The following EDIL3 variants were observed in gnomAD, a reference collection of about 807,000 sequenced individuals.
EDIL3 encodes the protein EGF like and discoidin domains 3, also known as EGF-like repeat and discoidin I-like domain-containing protein 3.
Under a neutral mutation model 67.4 loss-of-function variants are expected in EDIL3, and 37 were observed. That is an observed-to-expected ratio of 0.55 (90% confidence interval 0.42 to 0.72). EDIL3 has a LOEUF of 0.72. Among genes scored for constraint, EDIL3 ranks in the 30% least tolerant of loss-of-function variants. The pLI, the probability that EDIL3 is intolerant of heterozygous loss-of-function variation, is 0.00. For synonymous variants in EDIL3, 195 were observed against 196.3 expected, an observed-to-expected ratio of 0.99 and a Z score of 0.05; for missense variants, 527 against 586.3, an observed-to-expected ratio of 0.90 and a Z score of 1.04.
At chr5:84,188,256 A>G (rs1743506405) in intron 3 of EDIL3, among the ~76,000 whole-genome samples, 1 of 151,986 alleles carries the variant, frequency 6.6e-6, no homozygotes, top group African/African-American at 2.4e-5. Context: ...TGGTAGTTTA[A>G]AACAATAGAA....
In EDIL3 at chr5:83,944,165, C is replaced by T. The variant is rs115382271; in HGVS notation, c.1294-597G>A. On this transcript the variant is annotated intron_variant, in intron 10 of 10. Transcript: ENST00000296591. ...CACAAGGCTATCTGGTGAGCACTAA[C>T]GGCCTCTATCACAGTGCCTTTTGCC... is the stretch of plus-strand genomic sequence containing the variant. Among the ~76,000 whole-genome samples, 367 of 151,932 alleles carry T rather than the reference C, an allele frequency of 2.4e-3. 1 individual carries two copies. The highest frequency in any genetic ancestry group is 8.5e-3 in the African/African-American group (351 of 41,530).
intron 6 of EDIL3, among the ~76,000 whole-genome samples, chr5:84,068,878 A>G (rs757493799): frequency 5.9e-5 from 9 of 152,156 alleles, no homozygotes; most frequent in Non-Finnish European, 1.0e-4. Context: ...CTATGTTGCT[A>G]TAGGAAATAA....
At chr5:83,957,374 T>C (rs2112123586) in intron 10 of EDIL3, among the ~76,000 whole-genome samples, 1 of 151,808 alleles carries the variant, frequency 6.6e-6, no homozygotes, top group South Asian at 2.1e-4. Context: ...CCAGATCAAA[T>C]TTCAAAAGAA....
chr5:84,305,626 T>C (rs1272632553), intron 1 of EDIL3, among the ~76,000 whole-genome samples: 1 of 152,182 alleles, frequency 6.6e-6, no homozygotes, highest in East Asian at 1.9e-4. Context: ...ACGCCTGTAA[T>C]CCCGGCATTT....
Position 84,137,324 on chromosome 5 carries a change from T to C in EDIL3, c.386A>G (p.Lys129Arg), listed in dbSNP as rs1461926327. ...AAGATCTGTACATATTCCACCATTT[T>C]TGCAAGGCTCAACTTCGCATTCATT... ...NINECEVEPCKNGGICTDLVA... is the reference protein window; with the variant it reads ...NINECEVEPCRNGGICTDLVA... Residue 129 changes from lysine to arginine, a missense_variant, in exon 5 of 11, where the codon AAA (lysine) becomes AGA (arginine). Lys to Arg is a conservative substitution (Grantham distance 26). Around this residue, in one of 2 missense-constraint regions of EDIL3, gnomAD observed 494 missense variants for 522.5 expected, o/e 0.95. Transcript: ENST00000296591. The C allele has an allele frequency of 1.2e-6, 2 of 1,613,388 alleles. No individual in the cohort carries two copies. Among genetic ancestry groups the C allele is most frequent in the African/African-American group, 1.3e-5 (1 of 74,886 alleles).
At chr5:84,094,388 T>C (rs1747223935) in intron 6 of EDIL3, among the ~76,000 whole-genome samples, 1 of 152,190 alleles carries the variant, frequency 6.6e-6, no homozygotes, top group Admixed American at 6.5e-5. Flanking sequence ...GTTTAGTATA[T>C]ATTGGCATGT....
At chr5:84,307,182 G>A (rs1013904025) in intron 1 of EDIL3, among the ~76,000 whole-genome samples, 1 of 152,192 alleles carries the variant, frequency 6.6e-6, no homozygotes, top group South Asian at 2.1e-4. Flanking sequence ...TAGGAGAGAA[G>A]TAGGGTTAGT....
rs192901416 is a variant in EDIL3 at position 84,370,682 on chromosome 5, G to C, written c.67+13626C>G. Among the ~76,000 whole-genome samples, 4 of 152,236 alleles carry C rather than the reference G, an allele frequency of 2.6e-5. No homozygotes were observed. The East Asian group carries it at 7.7e-4, about 29-fold the overall frequency. ...AAAACCTGAATCTTCCTTTTAAACT[G>C]TTTATAAATTAGACAGCTATGGAAA... is the stretch of plus-strand genomic sequence containing the variant. On this transcript the variant is annotated intron_variant, in intron 1 of 10. Transcript: ENST00000296591.
intron 1 of EDIL3, among the ~76,000 whole-genome samples, chr5:84,312,485 A>ACAGGGCGGCTGGCCGGG (rs1248623562): frequency 7.0e-6 from 1 of 142,586 alleles, no homozygotes; most frequent in Non-Finnish European, 1.5e-5. Flanking sequence ...CACCTCCCGG[A>ACAGGGCGGCTGGCCGGG]CAGGGCGGCT....
At chr5:84,297,177 GAA>G (rs61365875) in intron 1 of EDIL3, among the ~76,000 whole-genome samples, 1 of 63,226 alleles carries the variant, frequency 1.6e-5, no homozygotes, top group Non-Finnish European at 2.8e-5. Flanking sequence ...GCAAGACTCC[GAA>G]AAAAAAAAAA....
intron 10 of EDIL3, among the ~76,000 whole-genome samples, chr5:83,946,445 A>G: frequency 6.6e-6 from 1 of 151,936 alleles, no homozygotes; most frequent in Non-Finnish European, 1.5e-5. Flanking sequence ...AAGAGAAGAT[A>G]AGAGAAAGAA....
At chr5:84,073,048 GCTT>G (rs1012384082) in intron 6 of EDIL3, among the ~76,000 whole-genome samples, 11 of 152,176 alleles carry the variant, frequency 7.2e-5, no homozygotes, top group African/African-American at 2.2e-4. Flanking sequence ...GACAGGGGCT[GCTT>G]CTTCTTCTTC....
At chr5:84,022,404 A>G (rs1337463472) in intron 9 of EDIL3, among the ~76,000 whole-genome samples, 2 of 152,012 alleles carry the variant, frequency 1.3e-5, no homozygotes, top group South Asian at 4.1e-4. Flanking sequence ...CTAGGCATTA[A>G]AAGACCATAC....
intron 1 of EDIL3, among the ~76,000 whole-genome samples, chr5:84,262,677 T>A (rs1019092153): frequency 8.2e-6 from 1 of 121,842 alleles, no homozygotes; most frequent in Admixed American, 9.1e-5. Flanking sequence ...TTTTTTTTTT[T>A]TTTTTTTTTT....
chr5:84,191,290 A>G (rs542188721), intron 3 of EDIL3, among the ~76,000 whole-genome samples: 1 of 152,104 alleles, frequency 6.6e-6, no homozygotes, highest in African/African-American at 2.4e-5. Flanking sequence ...GAGGTGGAGG[A>G]AAGGATTTCT....
At chr5:84,356,181 CT>C (rs1747476806) in intron 1 of EDIL3, among the ~76,000 whole-genome samples, 1 of 151,822 alleles carries the variant, frequency 6.6e-6, no homozygotes, top group Non-Finnish European at 1.5e-5. Context: ...AGAAACAAAC[CT>C]TTGGGAGGAA....
At position 84,112,826 on chromosome 5, in the gene EDIL3, G is replaced by A. The variant is rs576585767; in HGVS notation, c.470-5996C>T. Among the ~76,000 whole-genome samples, 19 of 152,274 alleles carry A rather than the reference G, an allele frequency of 1.2e-4. No homozygotes were observed. The South Asian group carries it at 3.5e-3, about 28-fold the overall frequency. On this transcript the variant is annotated intron_variant, in intron 5 of 10. Transcript: ENST00000296591. The stretch of plus-strand genomic sequence containing the variant: ...CAATTTCAGTGAACATTTAATAAAT[G>A]TCGGTAGAGGGAATTACTTCTAAAA...
At chr5:84,130,599 T>A (rs1395332901) in intron 5 of EDIL3, among the ~76,000 whole-genome samples, 8 of 152,096 alleles carry the variant, frequency 5.3e-5, no homozygotes, top group African/African-American at 1.9e-4. Flanking sequence ...TTTTGTCTTG[T>A]CACAGCTGGA....
chr5:84,197,880 A>G (rs1483610069), intron 3 of EDIL3, among the ~76,000 whole-genome samples: 1 of 151,834 alleles, frequency 6.6e-6, no homozygotes, highest in Non-Finnish European at 1.5e-5. Flanking sequence ...CATTTAAGCA[A>G]GAAATGGCTA....
Sources: allele counts gnomAD v4.1 joint callset (sites outside exome capture counted in the v4.1 genomes callset), GRCh38; gene constraint gnomAD v4.1.1; regional missense constraint gnomAD v4.1.1; transcripts MANE v1.5; gene names NCBI Gene and HGNC (gene_info 2026-07-23, HGNC 2026-07-21).